Variants in ARL14EPL observed in about 807,000 individuals in gnomAD.
The protein encoded by ARL14EPL is ARF like GTPase 14 effector protein like.
ARL14EPL carries 17 observed loss-of-function variants against 15.9 expected under a neutral mutation model. The ratio of observed to expected loss-of-function variants is 1.07; its 90% CI spans 0.73 to 1.60. The LOEUF (loss-of-function observed/expected upper bound fraction) is 1.60. Ranked by LOEUF, ARL14EPL falls within the 40% of genes most tolerant of loss-of-function variation. The pLI is 0.00. For synonymous variants in ARL14EPL, 78 were observed against 63.8 expected (o/e 1.22, Z -1.06); for missense variants, 214 against 185.9 (o/e 1.15, Z -0.88).
chr5:116,042,790 A>G (rs2112670768), intron 1 of ARL14EPL, among the ~76,000 whole-genome samples: 1 of 152,328 alleles, frequency 6.6e-6, no homozygotes, highest in Admixed American at 6.5e-5. Context: ...TATATCATAT[A>G]GAACTTCTTA....
intron 1 of ARL14EPL, among the ~76,000 whole-genome samples, chr5:116,047,542 T>C (rs886828164): frequency 1.2e-4 from 19 of 152,232 alleles, no homozygotes; most frequent in Non-Finnish European, 7.3e-5. Flanking sequence ...CAACAAGGTA[T>C]AGACAGCTGT....
At chr5:116,054,602 T>G (rs1749471204) in intron 3 of ARL14EPL, among the ~76,000 whole-genome samples, 1 of 152,280 alleles carries the variant, frequency 6.6e-6, no homozygotes, top group East Asian at 1.9e-4. Flanking sequence ...GAGGCCAAAG[T>G]GGGTGGATCA....
chr5:116,048,773 C>T (rs995395865), intron 1 of ARL14EPL, among the ~76,000 whole-genome samples: 11 of 152,000 alleles, frequency 7.2e-5, no homozygotes, highest in Middle Eastern at 3.4e-3. Flanking sequence ...TTAGAGATGG[C>T]TATGATGAAC....
intron 1 of ARL14EPL, chr5:116,051,222 A>G (rs1749369962): frequency 2.2e-6 from 1 of 449,724 alleles, no homozygotes; most frequent in African/African-American, 2.0e-5. Flanking sequence ...AGGACTGTCA[A>G]AGGTACTATT....
At position 116,051,362 on chromosome 5, in the gene ARL14EPL, T is replaced by C. The variant is rs548309484; in HGVS notation, c.-9-95T>C. ...AGATACAGTCTGGTTTTGAATAAAG[T>C]GAGACGTGTAGGGAGAGTAGAAAAG... On this transcript the variant is annotated intron_variant, in intron 1 of 3. Coordinates refer to ENST00000686077, the MANE Select transcript of ARL14EPL (RefSeq NM_001195581.2). The C allele has an allele frequency of 6.3e-5, 48 of 760,708 alleles. No homozygotes were observed. In the South Asian group the frequency reaches 8.6e-4, roughly 14 times the overall value. The allele number at this position is 760,708 out of a possible 1,614,324, so 47.1% of individuals were successfully genotyped here.
At chr5:116,054,860 A>C (rs1749478195) in intron 3 of ARL14EPL, among the ~76,000 whole-genome samples, 1 of 151,248 alleles carries the variant, frequency 6.6e-6, no homozygotes, top group Admixed American at 6.6e-5. Context: ...AAATAAAATA[A>C]AAAATAATAA....
chr5:116,057,291 G>A (rs1416992634), intron 3 of ARL14EPL, among the ~76,000 whole-genome samples: 2 of 152,094 alleles, frequency 1.3e-5, no homozygotes, highest in Non-Finnish European at 2.9e-5. Context: ...GATTGAAGAG[G>A]ACTTCACTGC....
At chr5:116,034,639 A>C (rs953344281) in intron 1 of ARL14EPL, among the ~76,000 whole-genome samples, 1 of 152,054 alleles carries the variant, frequency 6.6e-6, no homozygotes, top group African/African-American at 2.4e-5. Context: ...AAGAGATGTG[A>C]TCAGCAGGAA....
intron 1 of ARL14EPL, among the ~76,000 whole-genome samples, chr5:116,044,493 ATG>A (rs564185852): frequency 3.4e-4 from 39 of 115,644 alleles, no homozygotes; most frequent in African/African-American, 9.2e-4. Context: ...GTGTGTATAT[ATG>A]TGTGTGTATA....
intron 1 of ARL14EPL, among the ~76,000 whole-genome samples, chr5:116,045,780 GTA>G (rs35377853): frequency 0.32 from 40,930 of 126,530 alleles, 6,311 homozygotes; most frequent in Non-Finnish European, 0.41. Flanking sequence ...GTGTGTGTGT[GTA>G]TGTGTACGAA....
chr5:116,050,118 G>A (rs567527261), intron 1 of ARL14EPL, among the ~76,000 whole-genome samples: 1 of 152,244 alleles, frequency 6.6e-6, no homozygotes, highest in African/African-American at 2.4e-5. Context: ...GAAATAACAA[G>A]GTGATTTTTA....
Position 116,056,255 on chromosome 5 carries a change from G to C in ARL14EPL, c.236+2102G>C, listed in dbSNP as rs534733579. Among the ~76,000 whole-genome samples the C allele has an allele frequency of 1.4e-3, 219 of 152,186 alleles. 1 individual carries two copies. Among genetic ancestry groups the C allele is most frequent in the African/African-American group, 5.0e-3 (209 of 41,484 alleles). On this transcript the variant is annotated intron_variant, in intron 3 of 3. Coordinates refer to ENST00000686077, the MANE Select transcript of ARL14EPL (RefSeq NM_001195581.2). The stretch of plus-strand genomic sequence containing the variant: ...TCCACAAGGGTTGAAGTAGTTTACT[G>C]TCCCACCAACAGTGTAAAAGTGTTC...
chr5:116,048,689 C>T (rs1384063094), intron 1 of ARL14EPL, among the ~76,000 whole-genome samples: 1 of 151,878 alleles, frequency 6.6e-6, no homozygotes, highest in Non-Finnish European at 1.5e-5. Context: ...CGAGTGGGAT[C>T]CCTCGACCAA....
At chr5:116,050,918 T>C (rs950444680) in intron 1 of ARL14EPL, among the ~76,000 whole-genome samples, 2 of 151,944 alleles carry the variant, frequency 1.3e-5, no homozygotes, top group Non-Finnish European at 2.9e-5. Flanking sequence ...TTACAGGCAT[T>C]TTAGCAGTGG....
chr5:116,046,471 G>A (rs1380310649), intron 1 of ARL14EPL, among the ~76,000 whole-genome samples: 6 of 152,130 alleles, frequency 3.9e-5, no homozygotes, highest in Admixed American at 1.3e-4. Flanking sequence ...CTGGAGTGTC[G>A]CTCAATGACC....
At chr5:116,052,915 C>G (rs1749420350) in intron 2 of ARL14EPL, among the ~76,000 whole-genome samples, 1 of 152,136 alleles carries the variant, frequency 6.6e-6, no homozygotes, top group Non-Finnish European at 1.5e-5. Context: ...TACAATCCTT[C>G]AAAAGAGCAT....
chr5:116,054,947 C>A (rs530789902), intron 3 of ARL14EPL, among the ~76,000 whole-genome samples: 3 of 151,940 alleles, frequency 2.0e-5, no homozygotes, highest in Admixed American at 6.5e-5. Context: ...TCCATAAAAA[C>A]AGTGAAAGAC....
chr5:116,049,238 G>A (rs115133310), intron 1 of ARL14EPL, among the ~76,000 whole-genome samples: 36 of 152,270 alleles, frequency 2.4e-4, no homozygotes, highest in African/African-American at 8.2e-4. Context: ...CTAATGATAA[G>A]GTTCATCAGA....
intron 3 of ARL14EPL, among the ~76,000 whole-genome samples, chr5:116,057,892 T>A (rs7735013): frequency 0.12 from 17,645 of 152,244 alleles, 3,089 homozygotes; most frequent in African/African-American, 0.37. Context: ...ATAACGGCTA[T>A]CAGTTATACA....
Sources: gnomAD v4.1 joint callset for allele counts (sites outside exome capture counted in the v4.1 genomes callset) on GRCh38, gnomAD v4.1.1 for gene constraint, MANE v1.5 for transcripts, NCBI Gene and HGNC (gene_info 2026-07-23, HGNC 2026-07-21) for gene names.